CSGALNACT1: variants seen among roughly 807,000 people sequenced by gnomAD.
CSGALNACT1 encodes chondroitin sulfate N-acetylgalactosaminyltransferase 1.
In CSGALNACT1, 52 loss-of-function variants were observed where a neutral mutation model predicts 51.0. That is an observed-to-expected ratio of 1.02 (90% confidence interval 0.82 to 1.29). The LOEUF is 1.29. Ranked by LOEUF, CSGALNACT1 falls within the 50% of genes most tolerant of loss-of-function variation. The pLI, the probability that CSGALNACT1 is intolerant of heterozygous loss-of-function variation, is 0.00. For missense variants in CSGALNACT1, 935 were observed against 679.2 expected (o/e 1.38, Z -4.19); for synonymous variants, 341 against 254.4 (o/e 1.34, Z -3.24).
intron 4 of CSGALNACT1, among the ~76,000 whole-genome samples, chr8:19,498,651 A>T (rs2075890679): frequency 6.6e-6 from 1 of 152,072 alleles, no homozygotes; most frequent in Admixed American, 6.5e-5. Flanking sequence ...TGTCCTTCCA[A>T]TTTGTGTACA....
intron 2 of CSGALNACT1, among the ~76,000 whole-genome samples, chr8:19,599,458 GAAAGAAAGAAAGAA>G (rs1490190882): frequency 4.0e-5 from 3 of 74,192 alleles, no homozygotes; most frequent in East Asian, 3.6e-4. Context: ...AAAAAGAAAA[GAAAGAAAGAAAGAA>G]AAAGAAAGAA....
chr8:19,466,218 G>A (rs2066634060), intron 4 of CSGALNACT1, among the ~76,000 whole-genome samples: 2 of 152,218 alleles, frequency 1.3e-5, no homozygotes, highest in South Asian at 4.1e-4. Context: ...GAAATGCTGA[G>A]AGTGGTAAAT....
chr8:19,448,687 G>A lies in CSGALNACT1; in HGVS notation c.852-8756C>T, dbSNP rs1216120016. Among the ~76,000 whole-genome samples, 3 of 152,192 alleles carry A rather than the reference G, an allele frequency of 2.0e-5. No individual in the cohort carries two copies. The East Asian group carries it at 5.8e-4, about 29-fold the overall frequency. ...GCCACCCCGCACATGAACAAGGGCA[G>A]AGGCAGGGCTTTCACAGCTGAGAAA... On this transcript the variant is annotated intron_variant, in intron 5 of 9. Coordinates refer to ENST00000454498, the Ensembl canonical transcript of CSGALNACT1.
chr8:19,452,800 C>T (rs574270383), intron 5 of CSGALNACT1, among the ~76,000 whole-genome samples: 47 of 152,070 alleles, frequency 3.1e-4, no homozygotes, highest in Non-Finnish European at 6.0e-4. Flanking sequence ...CCAAGCGAGC[C>T]GGGCAAAACT....
At chr8:19,729,633 A>G (rs1335345277) in intron 1 of CSGALNACT1, among the ~76,000 whole-genome samples, 1 of 152,208 alleles carries the variant, frequency 6.6e-6, no homozygotes. Context: ...GCTTTAATTC[A>G]TTTCATTTTG....
intron 1 of CSGALNACT1, among the ~76,000 whole-genome samples, chr8:19,702,153 C>A (rs2061915919): frequency 6.6e-6 from 1 of 152,104 alleles, no homozygotes; most frequent in Non-Finnish European, 1.5e-5. Context: ...ATCACACCAC[C>A]ATTGCAAGAT....
chr8:19,649,759 G>T (rs7001715), intron 1 of CSGALNACT1, among the ~76,000 whole-genome samples: 119,089 of 144,916 alleles, frequency 0.82, 48,725 homozygotes, highest in East Asian at 0.98. Flanking sequence ...TTGTTAAAAA[G>T]AGTAGAAATT....
exon 4 of CSGALNACT1, chr8:19,506,008 C>T (rs1232932470): frequency 1.4e-6 from 1 of 737,802 alleles, no homozygotes; most frequent in Non-Finnish European, 2.4e-6. Context: ...CCACACAGAG[C>T]AGCTTCTCTA....
chr8:19,412,463 C>T (rs1161362426), intron 8 of CSGALNACT1, among the ~76,000 whole-genome samples: 6 of 152,168 alleles, frequency 3.9e-5, no homozygotes, highest in South Asian at 4.1e-4. Flanking sequence ...TTAATGGTGC[C>T]GACTTGGCCA....
intron 1 of CSGALNACT1, among the ~76,000 whole-genome samples, chr8:19,608,898 G>T (rs1376928402): frequency 6.6e-6 from 1 of 152,184 alleles, no homozygotes; most frequent in Non-Finnish European, 1.5e-5. Context: ...ACAGTTGAGA[G>T]ATACTATGAT....
At position 19,730,108 on chromosome 8, in the gene CSGALNACT1, C is replaced by G. The variant is rs180944287; in HGVS notation, c.-297+27742G>C. Among the ~76,000 whole-genome samples, 156 of 152,304 alleles carry G rather than the reference C, an allele frequency of 1.0e-3. 2 individuals carry two copies. Among genetic ancestry groups the G allele is most frequent in the Admixed American group, 9.2e-3 (141 of 15,306 alleles). On this transcript the variant is annotated intron_variant, in intron 1 of 1. Coordinates refer to the CSGALNACT1 transcript ENST00000517494. ...CATGCAATGTTTCAAGATCCCCAAT[C>G]TATAATCACGACTCTCATCTGCCTG...
chr8:19,481,299 CT>C (rs2071325971), intron 4 of CSGALNACT1, among the ~76,000 whole-genome samples: 1 of 152,098 alleles, frequency 6.6e-6, no homozygotes, highest in Non-Finnish European at 1.5e-5. Context: ...TGGTTGGCAC[CT>C]TGCTAGTCAC....
At chr8:19,690,394 CT>C (rs2061236279) in intron 1 of CSGALNACT1, among the ~76,000 whole-genome samples, 1 of 152,104 alleles carries the variant, frequency 6.6e-6, no homozygotes, top group African/African-American at 2.4e-5. Flanking sequence ...GATATCTCTA[CT>C]TTGGGCCTTA....
chr8:19,469,997 G>C (rs2067741011), intron 4 of CSGALNACT1, among the ~76,000 whole-genome samples: 1 of 152,112 alleles, frequency 6.6e-6, no homozygotes, highest in South Asian at 2.1e-4. Flanking sequence ...GAAATCAGAG[G>C]AATTACCGAG....
exon 10 of CSGALNACT1, chr8:19,404,324 G>A (rs1344132960): frequency 2.2e-6 from 1 of 453,618 alleles, no homozygotes; most frequent in African/African-American, 2.0e-5. Flanking sequence ...TGAGTTTACT[G>A]TGAGCAAACA....
chr8:19,714,368 A>G (rs1290097966), intron 1 of CSGALNACT1, among the ~76,000 whole-genome samples: 3 of 151,064 alleles, frequency 2.0e-5, no homozygotes, highest in Non-Finnish European at 2.9e-5. Context: ...CTGCCTGGTA[A>G]CCCCCTGAGC....
In CSGALNACT1 at chr8:19,486,124, G is replaced by A. The variant is rs1304200039; in HGVS notation, c.634+19077C>T. 2.0e-5 allele frequency among the ~76,000 whole-genome samples: 3 copies of A among 151,152 alleles called. No individual in the cohort carries two copies. The East Asian group carries it at 5.8e-4, about 29-fold the overall frequency. ...ACTAAACCTCCTGAGAGTCTCTTTG[G>A]GAGAAAAAAAAAACAAAAAAAACAG... On this transcript the variant is annotated intron_variant, in intron 4 of 9. Coordinates refer to ENST00000454498, the Ensembl canonical transcript of CSGALNACT1.
chr8:19,598,383 C>A (rs1023306298), intron 2 of CSGALNACT1, among the ~76,000 whole-genome samples: 1 of 152,150 alleles, frequency 6.6e-6, no homozygotes, highest in Non-Finnish European at 1.5e-5. Context: ...TAAAAGCTTA[C>A]AGACTTTATG....
chr8:19,521,673 CAAG>C (rs575094369), intron 3 of CSGALNACT1, among the ~76,000 whole-genome samples: 18 of 152,236 alleles, frequency 1.2e-4, no homozygotes, highest in African/African-American at 3.6e-4. Flanking sequence ...AAAATAAAAA[CAAG>C]AAGAAGAAGA....
Sources: gnomAD v4.1 joint callset for allele counts (sites outside exome capture counted in the v4.1 genomes callset) on GRCh38, gnomAD v4.1.1 for gene constraint, MANE v1.5 for transcripts, NCBI Gene and HGNC (gene_info 2026-07-23, HGNC 2026-07-21) for gene names.